CDH10: variants seen among roughly 807,000 people sequenced by gnomAD.
CDH10 encodes cadherin 10, also known as cadherin-10.
A neutral mutation model predicts 73.1 loss-of-function variants in CDH10; 30 were observed. The ratio of observed to expected loss-of-function variants is 0.41; its 90% CI spans 0.31 to 0.56. The LOEUF (loss-of-function observed/expected upper bound fraction) is 0.56. Among genes scored for constraint, CDH10 ranks in the 20% least tolerant of loss-of-function variants. The probability of loss-of-function intolerance (pLI) is 0.27; values close to 1 mark genes in which losing one functional copy is unlikely to be tolerated. For synonymous variants in CDH10, 345 were observed against 348.2 expected, an observed-to-expected ratio of 0.99 and a Z score of 0.10; for missense variants, 815 against 973.7, an observed-to-expected ratio of 0.84 and a Z score of 2.17.
chr5:24,534,729 T>G (rs1457497849), intron 5 of CDH10, among the ~76,000 whole-genome samples: 2 of 152,120 alleles, frequency 1.3e-5, no homozygotes, highest in Non-Finnish European at 2.9e-5. Flanking sequence ...CAATTTAGGT[T>G]CCCCTTTATT....
chr5:24,504,104 G>A (rs1742594330), intron 8 of CDH10, among the ~76,000 whole-genome samples: 1 of 151,960 alleles, frequency 6.6e-6, no homozygotes, highest in African/African-American at 2.4e-5. Flanking sequence ...GGCAAAATAT[G>A]CCATTTTGGC....
At chr5:24,605,948 C>T (rs1464199535) in intron 1 of CDH10, among the ~76,000 whole-genome samples, 1 of 152,062 alleles carries the variant, frequency 6.6e-6, no homozygotes, top group African/African-American at 2.4e-5. Context: ...ATGCTTTATG[C>T]TAAATAGAAT....
At chr5:24,494,955 G>GT (rs998057552) in intron 9 of CDH10, among the ~76,000 whole-genome samples, 26 of 151,064 alleles carry the variant, frequency 1.7e-4, no homozygotes, top group East Asian at 3.9e-4. Context: ...AAGATAATAG[G>GT]TTTTTTTTTC....
intron 8 of CDH10, among the ~76,000 whole-genome samples, chr5:24,504,086 G>A (rs555611756): frequency 2.0e-5 from 3 of 151,930 alleles, no homozygotes; most frequent in South Asian, 4.2e-4. Context: ...TTATATATAC[G>A]GAAAGGTGGC....
chr5:24,601,238 C>T (rs1446333031), intron 1 of CDH10, among the ~76,000 whole-genome samples: 2 of 152,000 alleles, frequency 1.3e-5, no homozygotes. Flanking sequence ...CTTTTGTATC[C>T]AGCTTTGGAA....
rs1330852894 is a variant in CDH10, at chr5:24,498,505, T to C, written c.1408A>G (p.Thr470Ala). Residue 470 changes from threonine (T) to alanine (A), a missense_variant, in exon 9 of 12, where the codon ACA becomes GCA. Thr to Ala is a moderately conservative substitution (Grantham distance 58). Around this residue, in one of 3 missense-constraint regions of CDH10, gnomAD observed 516 missense variants for 636.6 expected, o/e 0.81. Coordinates refer to ENST00000264463, the MANE Select transcript of CDH10 (RefSeq NM_006727.5). ...IAAEINNPKE[T>A]TRVAVFVRIL... ...CTCACAAAAACAGCCACGCGTGTTG[T>C]CTCTTTGGGATTGTCTGGAAAAGGG... 6 of 1,602,766 alleles carry C rather than the reference T, an allele frequency of 3.7e-6. No homozygotes were observed. Among genetic ancestry groups the C allele is most frequent in the Non-Finnish European group, 8.5e-7 (1 of 1,170,198 alleles).
intron 1 of CDH10, among the ~76,000 whole-genome samples, chr5:24,625,353 A>G (rs1747457329): frequency 6.6e-6 from 1 of 151,936 alleles, no homozygotes; most frequent in Admixed American, 6.6e-5. Context: ...TCTTAGTAAT[A>G]TGAACTAAAT....
At chr5:24,516,996 A>G (rs1743133481) in intron 5 of CDH10, among the ~76,000 whole-genome samples, 1 of 152,120 alleles carries the variant, frequency 6.6e-6, no homozygotes, top group Non-Finnish European at 1.5e-5. Flanking sequence ...ATTGAATATA[A>G]AAATCTAAAT....
At chr5:24,626,024 G>A (rs1343291928) in intron 1 of CDH10, among the ~76,000 whole-genome samples, 1 of 151,986 alleles carries the variant, frequency 6.6e-6, no homozygotes, top group African/African-American at 2.4e-5. Context: ...TGGAACACAT[G>A]TAAATTAAGC....
chr5:24,546,808 A>C (rs1461395834), intron 2 of CDH10, among the ~76,000 whole-genome samples: 3 of 152,120 alleles, frequency 2.0e-5, no homozygotes, highest in African/African-American at 7.2e-5. Context: ...TTCTCACAGC[A>C]CATAGTACAT....
At chr5:24,569,097 G>A (rs935108012) in intron 2 of CDH10, among the ~76,000 whole-genome samples, 18 of 142,286 alleles carry the variant, frequency 1.3e-4, no homozygotes, top group Non-Finnish European at 2.7e-4. Context: ...GCAACAGAGC[G>A]AGACTCTGTC....
intron 2 of CDH10, among the ~76,000 whole-genome samples, chr5:24,586,840 A>ATTTTTTTTT (rs1746023448): frequency 9.9e-6 from 1 of 100,606 alleles, no homozygotes; most frequent in Non-Finnish European, 1.9e-5. Context: ...GATAGCCCAT[A>ATTTTTTTTT]TTCTTTTTTT....
At chr5:24,494,469 T>C (rs1366151924) in intron 9 of CDH10, among the ~76,000 whole-genome samples, 1 of 151,894 alleles carries the variant, frequency 6.6e-6, no homozygotes, top group Non-Finnish European at 1.5e-5. Flanking sequence ...CCTTAGTCAT[T>C]AAGATTAATA....
intron 2 of CDH10, among the ~76,000 whole-genome samples, chr5:24,591,874 T>C (rs555117511): frequency 2.0e-4 from 30 of 152,058 alleles, no homozygotes; most frequent in Non-Finnish European, 3.8e-4. Flanking sequence ...AAGTACTAGA[T>C]GAAGGGAAAT....
intron 2 of CDH10, among the ~76,000 whole-genome samples, chr5:24,555,837 C>A (rs543785808): frequency 1.3e-5 from 2 of 151,186 alleles, no homozygotes; most frequent in Non-Finnish European, 2.9e-5. Context: ...GGTTAACATA[C>A]GTCTATTGGG....
chr5:24,533,750 T>C (rs1381143769), intron 5 of CDH10, among the ~76,000 whole-genome samples: 1 of 151,970 alleles, frequency 6.6e-6, no homozygotes, highest in African/African-American at 2.4e-5. Flanking sequence ...TTCTAAGAAA[T>C]ATGCAGGATT....
intron 5 of CDH10, among the ~76,000 whole-genome samples, chr5:24,516,564 C>T (rs1346693190): frequency 6.6e-6 from 1 of 151,772 alleles, no homozygotes; most frequent in Non-Finnish European, 1.5e-5. Flanking sequence ...TTTACTTATG[C>T]TTTTATTTAT....
At chr5:24,548,820 A>G (rs1037013391) in intron 2 of CDH10, among the ~76,000 whole-genome samples, 1 of 152,098 alleles carries the variant, frequency 6.6e-6, no homozygotes, top group South Asian at 2.1e-4. Flanking sequence ...ATTTTACTAT[A>G]CATGCAAAAA....
intron 2 of CDH10, among the ~76,000 whole-genome samples, chr5:24,562,723 C>T (rs1269111916): frequency 6.6e-6 from 1 of 152,114 alleles, no homozygotes; most frequent in African/African-American, 2.4e-5. Context: ...CTCACTCCTT[C>T]CACGTAACCT....
Sources: gnomAD v4.1 joint callset for allele counts (sites outside exome capture counted in the v4.1 genomes callset) on GRCh38, gnomAD v4.1.1 for gene constraint, gnomAD v4.1.1 regional missense constraint, MANE v1.5 for transcripts, NCBI Gene and HGNC (gene_info 2026-07-23, HGNC 2026-07-21) for gene names.